The following CDH12 variants were observed in gnomAD, a reference collection of about 807,000 sequenced individuals.
CDH12 encodes cadherin-12.
CDH12 carries 41 observed loss-of-function variants against 74.1 expected under a neutral mutation model. The ratio of observed to expected loss-of-function variants is 0.55; its 90% confidence interval spans 0.43 to 0.72. The LOEUF is 0.72. CDH12 is among the 30% of genes least tolerant of loss of function. CDH12 has a pLI of 0.00. For synonymous variants in CDH12, 399 were observed against 355.0 expected, an observed-to-expected ratio of 1.12 and a Z score of -1.39; for missense variants, 945 against 977.2, an observed-to-expected ratio of 0.97 and a Z score of 0.44.
At chr5:22,030,094 C>T (rs1485177169) in intron 5 of CDH12, among the ~76,000 whole-genome samples, 1 of 141,696 alleles carries the variant, frequency 7.1e-6, no homozygotes, top group Non-Finnish European at 1.5e-5. Context: ...AGGGGAACAT[C>T]ACACTCTGGG....
chr5:22,852,702 A>G (rs535016533), intron 1 of CDH12, among the ~76,000 whole-genome samples: 21 of 152,362 alleles, frequency 1.4e-4, no homozygotes, highest in African/African-American at 4.6e-4. Context: ...TGTAAAAATC[A>G]GATATCTATA....
chr5:22,423,840 A>G (rs568772926), intron 2 of CDH12, among the ~76,000 whole-genome samples: 1 of 151,824 alleles, frequency 6.6e-6, no homozygotes, highest in Non-Finnish European at 1.5e-5. Flanking sequence ...CGTCTCTACT[A>G]AAAATACAAA....
At chr5:22,368,926 C>T (rs1249564236) in intron 3 of CDH12, among the ~76,000 whole-genome samples, 1 of 152,004 alleles carries the variant, frequency 6.6e-6, no homozygotes, top group African/African-American at 2.4e-5. Flanking sequence ...GTCAGGAGTT[C>T]AAGACCAGCC....
chr5:22,815,644 C>G (rs1383162213), intron 1 of CDH12, among the ~76,000 whole-genome samples: 31 of 151,600 alleles, frequency 2.0e-4, no homozygotes, highest in Non-Finnish European at 4.3e-4. Flanking sequence ...GTGGTGGGCA[C>G]CTGTAGTCCA....
rs190369284 is a variant in CDH12 at position 21,905,308 on chromosome 5, A to C, written c.527-50518T>G. Among the ~76,000 whole-genome samples the C allele has an allele frequency of 2.1e-4, 32 of 152,340 alleles. 1 individual carries two copies. The highest frequency in any genetic ancestry group is 4.1e-4 in the South Asian group (2 of 4,826). On this transcript the variant is annotated intron_variant, in intron 6 of 14. Coordinates refer to ENST00000382254, the MANE Select transcript of CDH12 (RefSeq NM_004061.5). ...AAGATAAAAACTAACTAAATTTTAA[A>C]ATTACAAAGATTTGGGAGAATCCCT...
chr5:22,369,409 T>C (rs1741175036), intron 3 of CDH12, among the ~76,000 whole-genome samples: 1 of 152,024 alleles, frequency 6.6e-6, no homozygotes, highest in South Asian at 2.1e-4. Context: ...TTTTCCACCA[T>C]TTTTTTCCTA....
At chr5:21,985,831 G>C (rs1233433073) in intron 5 of CDH12, among the ~76,000 whole-genome samples, 6 of 152,136 alleles carry the variant, frequency 3.9e-5, no homozygotes, top group African/African-American at 1.4e-4. Context: ...TATACTTAAG[G>C]TATTTATAGA....
intron 3 of CDH12, among the ~76,000 whole-genome samples, chr5:22,345,788 T>C (rs1740082055): frequency 6.6e-6 from 1 of 152,156 alleles, no homozygotes; most frequent in Non-Finnish European, 1.5e-5. Flanking sequence ...TCCAAGTTTG[T>C]CTAGTCTACT....
rs902177741 is a variant in CDH12 at position 22,703,058 on chromosome 5, C to T, written c.-523+150000G>A. ...TACCCTGCTCATAAATCTTTAGCAACATTCTATTTGCTGCAGGATAACCTC... is the reference window on the plus strand; with the variant it reads ...TACCCTGCTCATAAATCTTTAGCAATATTCTATTTGCTGCAGGATAACCTC... On this transcript the variant is annotated intron_variant, in intron 1 of 14. Coordinates refer to ENST00000382254, the MANE Select transcript of CDH12 (RefSeq NM_004061.5). 2.8e-4 allele frequency among the ~76,000 whole-genome samples: 43 copies of T among 152,114 alleles called. 2 individuals are homozygous for T. Among genetic ancestry groups the T allele is most frequent in the African/African-American group, 9.9e-4 (41 of 41,430 alleles).
intron 2 of CDH12, among the ~76,000 whole-genome samples, chr5:22,421,214 G>A (rs1005527387): frequency 6.6e-6 from 1 of 151,922 alleles, no homozygotes; most frequent in East Asian, 1.9e-4. Context: ...TATACTTTAA[G>A]TTCTGGGATA....
chr5:22,364,440 G>T (rs1170324879), intron 3 of CDH12, among the ~76,000 whole-genome samples: 1 of 152,146 alleles, frequency 6.6e-6, no homozygotes, highest in East Asian at 1.9e-4. Context: ...AACTTACTTA[G>T]TTTATGACAG....
chr5:22,309,610 C>G (rs1228500193), intron 3 of CDH12, among the ~76,000 whole-genome samples: 3 of 152,068 alleles, frequency 2.0e-5, no homozygotes, highest in Admixed American at 1.3e-4. Flanking sequence ...CTAAGACCAC[C>G]TAAAATGTAT....
Position 21,877,209 on chromosome 5 carries a change from G to GA in CDH12, c.527-22420dup, listed in dbSNP as rs1264445033. 2.1e-3 allele frequency among the ~76,000 whole-genome samples: 294 copies of GA among 141,216 alleles called. 4 individuals are homozygous for GA. The highest frequency in any genetic ancestry group is 8.4e-3 in the South Asian group (37 of 4,390). The allele number at this position is 141,216 out of a possible 152,430, so 92.6% of individuals were successfully genotyped here. On this transcript the variant is annotated intron_variant, in intron 6 of 14. Transcript: ENST00000382254. ...CAGAGTGAGATTCTGTCTCAGAAAA[G>GA]AAAAAAAAAAAGAAGAAGAGGTGAG...
intron 1 of CDH12, among the ~76,000 whole-genome samples, chr5:22,594,363 T>C (rs1385941724): frequency 6.6e-6 from 1 of 152,136 alleles, no homozygotes; most frequent in Non-Finnish European, 1.5e-5. Context: ...GCCTCCTCTA[T>C]CCTACAAAGT....
intron 1 of CDH12, among the ~76,000 whole-genome samples, chr5:22,841,298 A>T (rs1255954744): frequency 1.3e-5 from 2 of 152,174 alleles, no homozygotes; most frequent in Non-Finnish European, 2.9e-5. Flanking sequence ...AGTGAAATAG[A>T]GGACATAAAA....
chr5:22,442,440 G>T lies in CDH12; in HGVS notation c.-427-37089C>A, dbSNP rs538683023. On this transcript the variant is annotated intron_variant, in intron 2 of 14. Coordinates refer to ENST00000382254, the MANE Select transcript of CDH12 (RefSeq NM_004061.5). ...GGAATGCCTGTACCCAGGAGTTCAA[G>T]AATAGTCTGAACAACACAGTGAGGC... is the stretch of plus-strand genomic sequence containing the variant. 7.9e-5 allele frequency among the ~76,000 whole-genome samples: 12 copies of T among 152,244 alleles called. 1 individual carries two copies. The South Asian group carries it at 2.3e-3, about 29-fold the overall frequency.
chr5:21,779,157 A>G (rs1745768212), intron 11 of CDH12: 1 of 152,132 alleles, frequency 6.6e-6, no homozygotes, highest in Admixed American at 6.6e-5. Flanking sequence ...AATCATATAA[A>G]ATATATTCTA....
rs138175338 is a variant in CDH12 at position 22,019,360 on chromosome 5, C to G, written c.232-43975G>C. On this transcript the variant is annotated intron_variant, in intron 5 of 14. Coordinates refer to ENST00000382254, the MANE Select transcript of CDH12 (RefSeq NM_004061.5). ...ATTTTAGAAAATGCCAGTTAGAAAA[C>G]AAAGATCATATTATTATCACAAACA... Among the ~76,000 whole-genome samples, 526 of 152,152 alleles carry G rather than the reference C, an allele frequency of 3.5e-3. 1 individual carries two copies. Among genetic ancestry groups the G allele is most frequent in the African/African-American group, 0.012 (511 of 41,520 alleles).
At chr5:22,626,545 G>C (rs1738307868) in intron 1 of CDH12, among the ~76,000 whole-genome samples, 1 of 152,034 alleles carries the variant, frequency 6.6e-6, no homozygotes, top group Non-Finnish European at 1.5e-5. Flanking sequence ...CCTTATACCA[G>C]AATCAAACCC....
Sources: allele counts gnomAD v4.1 joint callset (sites outside exome capture counted in the v4.1 genomes callset), GRCh38; gene constraint gnomAD v4.1.1; transcripts MANE v1.5; gene names NCBI Gene and HGNC (gene_info 2026-07-23, HGNC 2026-07-21).